Variants in MARF1 observed in about 807,000 individuals in gnomAD.
The protein encoded by MARF1 is limkain-b1.
In MARF1, 24 loss-of-function variants were observed where a neutral mutation model predicts 168.2. That is an observed-to-expected ratio of 0.14 (90% CI 0.10 to 0.20). MARF1 has a LOEUF of 0.20. Among genes scored for constraint, MARF1 ranks in the 10% least tolerant of loss-of-function variants. MARF1 has a pLI of 1.00. For synonymous variants in MARF1, 868 were observed against 822.4 expected (o/e 1.06, Z -0.95); for missense variants, 1,744 against 2,143.6 (o/e 0.81, Z 3.68).
chr16:15,599,233 A>T, intron 25 of MARF1: 1 of 591,320 alleles, frequency 1.7e-6, no homozygotes, highest in South Asian at 2.2e-5. Context: ...TTAATAAGCT[A>T]GTTCTTCTGA....
At chr16:15,618,793 T>C (rs1048156184) in intron 13 of MARF1, among the ~76,000 whole-genome samples, 1 of 152,324 alleles carries the variant, frequency 6.6e-6, no homozygotes, top group East Asian at 1.9e-4. Context: ...ATGTGACCTC[T>C]CCACCCAGCT....
In MARF1 at chr16:15,596,161, T is replaced by C. The variant is rs562989648; in HGVS notation, c.*532A>G. On this transcript the variant is annotated 3_prime_UTR_variant, in exon 27 of 27. Transcript: ENST00000396368. ...GAACCTTCACATTCCAACCTGAAAATACACTCCGAACCCCTCGCCTACCCT... is the reference window on the plus strand; with the variant it reads ...GAACCTTCACATTCCAACCTGAAAACACACTCCGAACCCCTCGCCTACCCT... The C allele has an allele frequency of 1.3e-5, 2 of 152,716 alleles. No homozygotes were observed. Among genetic ancestry groups the C allele is most frequent in the African/African-American group, 4.8e-5 (2 of 41,542 alleles). 9.5% of individuals were successfully genotyped at this position (152,716 alleles called of 1,614,324 possible). A position where few individuals can be genotyped will look rare whatever the true frequency, so the allele number is the denominator to read the frequency against.
At position 15,624,889 on chromosome 16, in the gene MARF1, G is replaced by T. The variant is rs779813560; in HGVS notation, c.2150C>A (p.Pro717His). The change falls in exon 10 of 27, where the codon CCT (proline) becomes CAT (histidine). Residue 717 changes from proline to histidine, a missense_variant. Physicochemically the swap from Pro to His is moderately conservative, Grantham distance 77. Coordinates refer to ENST00000396368, the MANE Select transcript of MARF1 (RefSeq NM_014647.4). ...NLSARSVTSSPVEKKDKEETV... is the reference protein window; with the variant it reads ...NLSARSVTSSHVEKKDKEETV... ...CTCCTCTTTATCTTTTTTCTCTACA[G>T]GAGAACTGGTAACACTTCGGGCACT... 1 of 1,614,110 alleles carries T rather than the reference G, an allele frequency of 6.2e-7. No homozygotes were observed. Among genetic ancestry groups the T allele is most frequent in the African/African-American group, 1.3e-5 (1 of 75,018 alleles).
intron 10 of MARF1, among the ~76,000 whole-genome samples, chr16:15,624,482 T>C (rs138983096): frequency 2.0e-4 from 30 of 152,258 alleles, no homozygotes; most frequent in East Asian, 1.2e-3. Flanking sequence ...ACAGCGAACA[T>C]AGGGACATCT....
rs2034085969 is a variant in MARF1 at position 15,616,807 on chromosome 16, A to T, written c.3077+245T>A. 8.6e-6 allele frequency: 4 copies of T among 464,408 alleles called. No homozygotes were observed. In the South Asian group the frequency reaches 1.5e-4, roughly 17 times the overall value. The allele number at this position is 464,408 out of a possible 1,614,324, so 28.8% of individuals were successfully genotyped here. On this transcript the variant is annotated intron_variant, in intron 15 of 26. Coordinates refer to ENST00000396368, the MANE Select transcript of MARF1 (RefSeq NM_014647.4). ...ATAACACAATGGTATTTGTGTATCT[A>T]ATCATCGAAAGGTCTAGTGAAAATA...
intron 22 of MARF1, 104 bp from the exon 23 acceptor site, chr16:15,602,307 A>T: frequency 1.1e-6 from 1 of 872,712 alleles, no homozygotes; most frequent in Non-Finnish European, 1.8e-6. Flanking sequence ...TTGAAGACGA[A>T]GACAAAGAAG....
At chr16:15,629,298 C>G (rs924297189) in intron 7 of MARF1, among the ~76,000 whole-genome samples, 1 of 152,064 alleles carries the variant, frequency 6.6e-6, no homozygotes, top group Non-Finnish European at 1.5e-5. Context: ...TATGCTTACT[C>G]CCTGGGTAAG....
intron 6 of MARF1, 61 bp from the exon 7 acceptor site, chr16:15,630,565 G>A (rs2151259840): frequency 1.4e-6 from 2 of 1,480,794 alleles, no homozygotes; most frequent in Non-Finnish European, 1.8e-6. Flanking sequence ...GACAAAGACA[G>A]ACAACTCTAT....
At chr16:15,627,962 T>TGC (rs2034990269) in intron 7 of MARF1, among the ~76,000 whole-genome samples, 1 of 152,186 alleles carries the variant, frequency 6.6e-6, no homozygotes, top group African/African-American at 2.4e-5. Flanking sequence ...AGAACTCTTA[T>TGC]GCCTTGGAAA....
chr16:15,600,509 G>T lies in MARF1; in HGVS notation c.4732C>A (p.Gln1578Lys). 1 of 1,614,210 alleles carries T rather than the reference G, an allele frequency of 6.2e-7. No homozygotes were observed. Among genetic ancestry groups the T allele is most frequent in the Non-Finnish European group, 8.5e-7 (1 of 1,180,044 alleles). ...LSLSPANHEN[Q>K]PSEGERILEV... ...AGGATGCGCTCGCCCTCCGAGGGCTGGTTTTCATGATTGGCAGGGGAGAGA... is the reference window on the plus strand; with the variant it reads ...AGGATGCGCTCGCCCTCCGAGGGCTTGTTTTCATGATTGGCAGGGGAGAGA... The change falls in exon 25 of 27, where the codon CAG becomes AAG. Residue 1578 changes from glutamine to lysine, a missense_variant. Transcript: ENST00000396368.
At chr16:15,601,738 A>G (rs144589380) in intron 23 of MARF1, 6,343 of 566,698 alleles carry the variant, frequency 0.011, 59 homozygotes, top group Non-Finnish European at 0.015. Context: ...TGACTCTCCC[A>G]TTAACCAACA....
rs748773453 is a variant in MARF1 at position 15,602,162 on chromosome 16, T to G, written c.4455A>C (p.Thr1485=). The G allele has an allele frequency of 8.7e-6, 14 of 1,614,208 alleles. No homozygotes were observed. The African/African-American group carries it at 1.1e-4, about 12-fold the overall frequency. ...CATTCTTTGCAAACAAATACAGACT[T>G]GTGAGCTTCACACATTCTTCCATCT... ...NDKMEECVKL[T]SLYLFAKNVR... is the part of the protein sequence containing the mutation. The change falls in exon 23 of 27, where the codon ACA becomes ACC. Residue 1485 remains threonine, a synonymous_variant. Transcript: ENST00000396368.
chr16:15,624,674 T>A (rs1271860451), intron 10 of MARF1, 95 bp downstream of exon 10: 5 of 1,215,242 alleles, frequency 4.1e-6, no homozygotes, highest in Non-Finnish European at 5.8e-6. Flanking sequence ...CTTTGTGCAT[T>A]TCAGTACTAT....
At chr16:15,636,741 C>T (rs564140152) in intron 2 of MARF1, among the ~76,000 whole-genome samples, 23 of 152,302 alleles carry the variant, frequency 1.5e-4, no homozygotes, top group Non-Finnish European at 2.9e-4. Flanking sequence ...ATGGCTAACA[C>T]ACACAGTGGT....
At chr16:15,629,900 G>C (rs1310366650) in intron 7 of MARF1, among the ~76,000 whole-genome samples, 1 of 152,148 alleles carries the variant, frequency 6.6e-6, no homozygotes, top group African/African-American at 2.4e-5. Flanking sequence ...TGAAGCTTAA[G>C]GATTAAATAC....
intron 16 of MARF1, among the ~76,000 whole-genome samples, chr16:15,615,623 C>CA (rs1567553669): frequency 6.6e-6 from 1 of 151,650 alleles, no homozygotes; most frequent in Non-Finnish European, 1.5e-5. Context: ...GACTCCGTCT[C>CA]AAAAAAAATA....
Position 15,643,140 on chromosome 16 carries a change from C to A in MARF1, c.-181G>T. On this transcript the variant is annotated 5_prime_UTR_variant, in exon 1 of 27. Transcript: ENST00000396368. ...CGCCGCCGCCGCCAAGCGCACCCTTCACTTCCGCTTCCGCACCGCACCGCC... is the reference window on the plus strand; with the variant it reads ...CGCCGCCGCCGCCAAGCGCACCCTTAACTTCCGCTTCCGCACCGCACCGCC... 1 of 283,254 alleles carries A rather than the reference C, an allele frequency of 3.5e-6. No individual in the cohort carries two copies. The highest frequency in any genetic ancestry group is 2.7e-5 in the South Asian group (1 of 37,606). The allele number at this position is 283,254 out of a possible 1,614,324, so 17.5% of individuals were successfully genotyped here.
intron 23 of MARF1, 37 bp downstream of exon 23, chr16:15,601,954 A>G: frequency 6.4e-7 from 1 of 1,554,336 alleles, no homozygotes; most frequent in Non-Finnish European, 8.9e-7. Flanking sequence ...GTGGCTGTTC[A>G]GAAGATGCTC....
intron 23 of MARF1, 42 bp from the exon 24 acceptor site, chr16:15,600,743 G>T (rs1461464530): frequency 6.2e-7 from 1 of 1,601,478 alleles, no homozygotes; most frequent in African/African-American, 1.3e-5. Flanking sequence ...CGGAAAAGGA[G>T]GGGACAGAAG....
Sources: allele counts gnomAD v4.1 joint callset (sites outside exome capture counted in the v4.1 genomes callset), GRCh38; gene constraint gnomAD v4.1.1; transcripts MANE v1.5; gene names NCBI Gene and HGNC (gene_info 2026-07-23, HGNC 2026-07-21).